The following CTDSPL2 variants were observed in gnomAD, a reference collection of about 807,000 sequenced individuals.
CTDSPL2 encodes the protein CTD small phosphatase-like protein 2.
Under a neutral mutation model 60.0 loss-of-function variants are expected in CTDSPL2, and 5 were observed. That is an observed-to-expected ratio of 0.08 (90% confidence interval 0.04 to 0.18). The LOEUF is 0.18. Ranked by LOEUF, CTDSPL2 falls within the 10% of genes least tolerant of loss-of-function variation. The pLI is 1.00. For missense variants in CTDSPL2, 370 were observed against 548.8 expected (o/e 0.67, Z 3.26); for synonymous variants, 186 against 189.3 (o/e 0.98, Z 0.14).
intron 2 of CTDSPL2, among the ~76,000 whole-genome samples, chr15:44,478,452 CAAAAAAAAA>C (rs61080056): frequency 6.8e-4 from 26 of 38,016 alleles, no homozygotes; most frequent in African/African-American, 1.7e-3. Context: ...GACTCTGTCT[CAAAAAAAAA>C]AAAAAAAAAA....
At position 44,455,839 on chromosome 15, in the gene CTDSPL2, A is replaced by ATTTT. The variant is rs35307134; in HGVS notation, c.-24-3125_-24-3122dup. 1.2e-3 allele frequency among the ~76,000 whole-genome samples: 59 copies of ATTTT among 47,540 alleles called. 6 individuals carry two copies. The highest frequency in any genetic ancestry group is 3.3e-3 in the African/African-American group (35 of 10,500). 31.2% of individuals were successfully genotyped at this position (47,540 alleles called of 152,430 possible). A position where few individuals can be genotyped will look rare whatever the true frequency, so the allele number is the denominator to read the frequency against. ...TCGGTTTGCCAGTATTTTATTGAGG[A>ATTTT]TTTTTTTTTTTTTTTTTTTTTTTTT... On this transcript the variant is annotated intron_variant, in intron 1 of 12. Coordinates refer to ENST00000260327, the MANE Select transcript of CTDSPL2 (RefSeq NM_016396.3).
At chr15:44,479,407 C>CTTTTTTTTTTTTTTTTTTTTTTTTTTTCT in intron 2 of CTDSPL2, among the ~76,000 whole-genome samples, 1 of 97,892 alleles carries the variant, frequency 1.0e-5, no homozygotes, top group South Asian at 3.6e-4. Context: ...ATTTTCTTTC[C>CTTTTTTTTTTTTTTTTTTTTTTTTTTTCT]TTTTTTTTTT....
chr15:44,459,968 G>A (rs2080530743), intron 2 of CTDSPL2, among the ~76,000 whole-genome samples: 1 of 152,168 alleles, frequency 6.6e-6, no homozygotes, highest in Admixed American at 6.5e-5. Context: ...ACCAACTTGA[G>A]TGACCTAAGG....
intron 1 of CTDSPL2, among the ~76,000 whole-genome samples, chr15:44,452,694 G>A (rs989055926): frequency 6.6e-6 from 1 of 151,852 alleles, no homozygotes; most frequent in African/African-American, 2.4e-5. Context: ...CTCCATCATT[G>A]TTACTATTTA....
chr15:44,507,584 C>T (rs1284030041), intron 8 of CTDSPL2, among the ~76,000 whole-genome samples: 2 of 152,168 alleles, frequency 1.3e-5, no homozygotes, highest in Non-Finnish European at 2.9e-5. Flanking sequence ...CACTCTAGGG[C>T]CTACCTGAAT....
chr15:44,464,132 C>G (rs1349207715), intron 2 of CTDSPL2, among the ~76,000 whole-genome samples: 1 of 152,156 alleles, frequency 6.6e-6, no homozygotes, highest in Non-Finnish European at 1.5e-5. Context: ...GTCTCAGCTT[C>G]CCGAGTAGCT....
chr15:44,518,307 G>A (rs953089129), intron 10 of CTDSPL2, among the ~76,000 whole-genome samples: 6 of 152,110 alleles, frequency 3.9e-5, no homozygotes, highest in Non-Finnish European at 7.4e-5. Context: ...TATTAGTAAT[G>A]TTCAGAGACT....
chr15:44,501,742 C>T (rs1049821449), intron 8 of CTDSPL2, among the ~76,000 whole-genome samples: 1 of 152,200 alleles, frequency 6.6e-6, no homozygotes, highest in South Asian at 2.1e-4. Flanking sequence ...CACTTTAATA[C>T]GATTTAGTTA....
chr15:44,494,873 G>A (rs898442362), intron 5 of CTDSPL2, among the ~76,000 whole-genome samples: 2 of 149,830 alleles, frequency 1.3e-5, no homozygotes, highest in Non-Finnish European at 3.0e-5. Flanking sequence ...CCCAGATCGC[G>A]CCACTGCACT....
Position 44,527,620 on chromosome 15 carries a change from G to C in CTDSPL2, c.*3446G>C, listed in dbSNP as rs900356830. 6.6e-6 allele frequency: 1 copy of C among 152,094 alleles called. No homozygotes were observed. The highest frequency in any genetic ancestry group is 1.5e-5 in the Non-Finnish European group (1 of 67,978). The allele number at this position is 152,094 out of a possible 1,614,324, so 9.4% of individuals were successfully genotyped here. A position where few individuals can be genotyped will look rare whatever the true frequency, so the allele number is the denominator to read the frequency against. ...ATATACTACATCATTAGCTAGTTAA[G>C]GTTTTCTGACCTGACTTCTCTTTGT... On this transcript the variant is annotated 3_prime_UTR_variant, in exon 13 of 13. Transcript: ENST00000260327.
intron 5 of CTDSPL2, among the ~76,000 whole-genome samples, chr15:44,494,127 G>C (rs1294680919): frequency 6.6e-6 from 1 of 151,978 alleles, no homozygotes; most frequent in Non-Finnish European, 1.5e-5. Context: ...TACCTATTTG[G>C]CTTGTAAGTT....
chr15:44,514,236 T>C (rs2081613370), intron 8 of CTDSPL2, among the ~76,000 whole-genome samples: 1 of 152,210 alleles, frequency 6.6e-6, no homozygotes, highest in Admixed American at 6.5e-5. Flanking sequence ...GTGGACACAA[T>C]AATTGGATGG....
chr15:44,482,837 G>T (rs1309562229), intron 2 of CTDSPL2, among the ~76,000 whole-genome samples: 1 of 152,146 alleles, frequency 6.6e-6, no homozygotes, highest in African/African-American at 2.4e-5. Flanking sequence ...GTAGAGATGA[G>T]AATGTTGATT....
At chr15:44,515,788 G>T (rs567774562) in intron 10 of CTDSPL2, among the ~76,000 whole-genome samples, 4 of 152,074 alleles carry the variant, frequency 2.6e-5, no homozygotes, top group South Asian at 2.1e-4. Context: ...CAGGAGAATC[G>T]CTTGAACCCG....
At chr15:44,482,083 G>T (rs74931314) in intron 2 of CTDSPL2, among the ~76,000 whole-genome samples, 3,532 of 152,148 alleles carry the variant, frequency 0.023, 76 homozygotes, top group East Asian at 0.096. Flanking sequence ...ATCCCCTGAG[G>T]TAGCATTCCA....
intron 1 of CTDSPL2, among the ~76,000 whole-genome samples, chr15:44,434,954 T>G (rs1026891071): frequency 6.6e-6 from 1 of 152,106 alleles, no homozygotes; most frequent in Non-Finnish European, 1.5e-5. Context: ...ACACACTTTG[T>G]TGTGAATAGG....
At chr15:44,446,977 A>G (rs2080230948) in intron 1 of CTDSPL2, among the ~76,000 whole-genome samples, 1 of 151,904 alleles carries the variant, frequency 6.6e-6, no homozygotes, top group African/African-American at 2.4e-5. Flanking sequence ...CTGGTCTCGA[A>G]CTCCAGACCT....
chr15:44,451,870 C>A (rs2140669067), intron 1 of CTDSPL2, among the ~76,000 whole-genome samples: 1 of 152,302 alleles, frequency 6.6e-6, no homozygotes, highest in Non-Finnish European at 1.5e-5. Context: ...CTAAAGCATA[C>A]CTCCCTATAT....
At chr15:44,501,743 G>A (rs183646364) in intron 8 of CTDSPL2, among the ~76,000 whole-genome samples, 3 of 152,116 alleles carry the variant, frequency 2.0e-5, no homozygotes, top group Admixed American at 6.5e-5. Flanking sequence ...ACTTTAATAC[G>A]ATTTAGTTAC....
Sources: gnomAD v4.1 joint callset for allele counts (sites outside exome capture counted in the v4.1 genomes callset) on GRCh38, gnomAD v4.1.1 for gene constraint, MANE v1.5 for transcripts, NCBI Gene and HGNC (gene_info 2026-07-23, HGNC 2026-07-21) for gene names.